Variants in LRRC4C observed in about 807,000 individuals in gnomAD.
LRRC4C encodes the protein leucine rich repeat containing 4C.
Under a neutral mutation model 33.6 loss-of-function variants are expected in LRRC4C, and 5 were observed. The observed-to-expected ratio is 0.15, with a 90% CI of 0.08 to 0.31. LRRC4C has a LOEUF of 0.31. LRRC4C is among the 10% of genes least tolerant of loss of function. LRRC4C has a pLI of 1.00. For missense variants in LRRC4C, 560 were observed against 796.7 expected (o/e 0.70, Z 3.58); for synonymous variants, 329 against 302.0 (o/e 1.09, Z -0.93).
intron 3 of LRRC4C, among the ~76,000 whole-genome samples, chr11:40,508,057 C>A (rs1309609435): frequency 1.3e-5 from 2 of 152,020 alleles, no homozygotes; most frequent in Non-Finnish European, 2.9e-5. Context: ...GCACCCAGCC[C>A]AAATTTAAAT....
At chr11:40,777,910 G>T (rs963416632) in intron 2 of LRRC4C, among the ~76,000 whole-genome samples, 7 of 151,908 alleles carry the variant, frequency 4.6e-5, no homozygotes, top group African/African-American at 1.7e-4. Flanking sequence ...GGATGGTCTC[G>T]ATCTCCTGAT....
At chr11:40,278,718 C>G (rs2136422850) in intron 4 of LRRC4C, among the ~76,000 whole-genome samples, 1 of 152,230 alleles carries the variant, frequency 6.6e-6, no homozygotes, top group East Asian at 1.9e-4. Context: ...ATAAAATTAA[C>G]CCTTGTAGCA....
chr11:41,007,771 G>A (rs1854870247), intron 1 of LRRC4C, among the ~76,000 whole-genome samples: 2 of 152,144 alleles, frequency 1.3e-5, no homozygotes, highest in Non-Finnish European at 2.9e-5. Context: ...TCTATGTGTT[G>A]ATTACTCTGA....
chr11:41,072,392 A>T (rs1029991363), intron 1 of LRRC4C, among the ~76,000 whole-genome samples: 1 of 151,972 alleles, frequency 6.6e-6, no homozygotes, highest in Non-Finnish European at 1.5e-5. Flanking sequence ...TGATCTCCAT[A>T]TGTTGAGCAG....
At chr11:41,409,969 C>A (rs910582465) in intron 1 of LRRC4C, among the ~76,000 whole-genome samples, 4 of 152,098 alleles carry the variant, frequency 2.6e-5, no homozygotes, top group African/African-American at 9.7e-5. Context: ...TGCATTTGTA[C>A]CGTGTAAGAA....
intron 3 of LRRC4C, among the ~76,000 whole-genome samples, chr11:40,415,277 A>G (rs1051762691): frequency 6.6e-6 from 1 of 152,218 alleles, no homozygotes; most frequent in Non-Finnish European, 1.5e-5. Context: ...ATACAAGCTC[A>G]TGCTCAGAAG....
chr11:40,343,711 GA>G (rs5791374), intron 3 of LRRC4C, among the ~76,000 whole-genome samples: 1,527 of 104,724 alleles, frequency 0.015, 26 homozygotes, highest in African/African-American at 0.051. Flanking sequence ...TTGTTTTTTT[GA>G]AAAAAAAAAA....
intron 1 of LRRC4C, among the ~76,000 whole-genome samples, chr11:41,455,325 T>C (rs933250740): frequency 3.3e-5 from 5 of 151,968 alleles, no homozygotes; most frequent in Non-Finnish European, 7.4e-5. Flanking sequence ...GGAAGTCAAG[T>C]TTTTCTTACA....
At chr11:40,892,251 T>C (rs1229124804) in intron 2 of LRRC4C, among the ~76,000 whole-genome samples, 1 of 151,712 alleles carries the variant, frequency 6.6e-6, no homozygotes, top group Non-Finnish European at 1.5e-5. Context: ...AGGAAATCAG[T>C]ATATTGAAGA....
chr11:40,227,362 T>C (rs183853418), intron 5 of LRRC4C, among the ~76,000 whole-genome samples: 1 of 152,368 alleles, frequency 6.6e-6, no homozygotes, highest in Admixed American at 6.5e-5. Flanking sequence ...GTTATGATGA[T>C]GACAGTTTTT....
At chr11:41,088,211 C>T (rs1219666673) in intron 1 of LRRC4C, among the ~76,000 whole-genome samples, 1 of 152,030 alleles carries the variant, frequency 6.6e-6, no homozygotes, top group Non-Finnish European at 1.5e-5. Context: ...TTTACTTGCT[C>T]AACCAGCAAA....
intron 3 of LRRC4C, among the ~76,000 whole-genome samples, chr11:40,419,511 A>G (rs1202287331): frequency 6.6e-6 from 1 of 152,208 alleles, no homozygotes; most frequent in Non-Finnish European, 1.5e-5. Flanking sequence ...TAATTAATAT[A>G]CTGAAAGAGA....
chr11:41,021,073 C>T (rs1014886952), intron 1 of LRRC4C, among the ~76,000 whole-genome samples: 1 of 151,642 alleles, frequency 6.6e-6, no homozygotes, highest in African/African-American at 2.4e-5. Flanking sequence ...AACTGTTGGG[C>T]TATTTATTTA....
At chr11:41,163,093 A>G (rs1944545112) in intron 1 of LRRC4C, among the ~76,000 whole-genome samples, 1 of 151,938 alleles carries the variant, frequency 6.6e-6, no homozygotes, top group Non-Finnish European at 1.5e-5. Context: ...CTGCTTTTGC[A>G]TCTTCCTCAT....
intron 4 of LRRC4C, among the ~76,000 whole-genome samples, chr11:40,278,692 T>C (rs1234397635): frequency 6.6e-6 from 1 of 152,170 alleles, no homozygotes; most frequent in Non-Finnish European, 1.5e-5. Context: ...CAATGTAGCA[T>C]TACAGAGAAG....
At chr11:40,814,281 C>A (rs988634382) in intron 2 of LRRC4C, among the ~76,000 whole-genome samples, 1 of 152,142 alleles carries the variant, frequency 6.6e-6, no homozygotes, top group Admixed American at 6.6e-5. Context: ...GCAATATGGT[C>A]AATACCACAT....
chr11:40,829,729 A>G (rs1360242906), intron 2 of LRRC4C, among the ~76,000 whole-genome samples: 2 of 151,980 alleles, frequency 1.3e-5, no homozygotes, highest in African/African-American at 4.8e-5. Flanking sequence ...ATATTTCTCC[A>G]TAATATTTTT....
At chr11:41,297,375 G>A (rs977810337) in intron 1 of LRRC4C, among the ~76,000 whole-genome samples, 1 of 152,112 alleles carries the variant, frequency 6.6e-6, no homozygotes, top group Admixed American at 6.5e-5. Flanking sequence ...TCTGGTTTAG[G>A]TATCAAGGTG....
intron 2 of LRRC4C, among the ~76,000 whole-genome samples, chr11:40,794,284 G>A (rs1449234789): frequency 6.7e-6 from 1 of 150,206 alleles, no homozygotes; most frequent in Non-Finnish European, 1.5e-5. Context: ...GAAAGTCTGG[G>A]CCATAGGCAT....
Sources: gnomAD v4.1 joint callset for allele counts (sites outside exome capture counted in the v4.1 genomes callset) on GRCh38, gnomAD v4.1.1 for gene constraint, MANE v1.5 for transcripts, NCBI Gene and HGNC (gene_info 2026-07-23, HGNC 2026-07-21) for gene names.